The following NPAS3 variants were observed in gnomAD, a reference collection of about 807,000 sequenced individuals.
NPAS3 encodes the protein neuronal PAS domain protein 3, also known as neuronal PAS domain-containing protein 3.
In NPAS3, 14 loss-of-function variants were observed where a neutral mutation model predicts 73.1. The observed-to-expected ratio is 0.19, with a 90% CI of 0.13 to 0.30. The LOEUF (loss-of-function observed/expected upper bound fraction) is 0.30, where lower values mean the gene tolerates loss of function less well. NPAS3 is among the 10% of genes least tolerant of loss of function. The pLI is 1.00. For synonymous variants in NPAS3, 620 were observed against 541.5 expected, an observed-to-expected ratio of 1.14 and a Z score of -2.01; for missense variants, 1,096 against 1,250.0, an observed-to-expected ratio of 0.88 and a Z score of 1.86.
At chr14:33,294,205 G>C (rs1488468256) in intron 3 of NPAS3, among the ~76,000 whole-genome samples, 4 of 152,120 alleles carry the variant, frequency 2.6e-5, no homozygotes, top group Non-Finnish European at 5.9e-5. Flanking sequence ...GTCTTCCCTT[G>C]GACTGCCTCC....
At chr14:33,075,369 G>A (rs772085922) in intron 2 of NPAS3, among the ~76,000 whole-genome samples, 51 of 152,084 alleles carry the variant, frequency 3.4e-4, no homozygotes, top group Non-Finnish European at 6.0e-4. Context: ...ATTTAAAAAC[G>A]TTTCAGTTAT....
At chr14:33,369,535 G>A (rs1566839622) in intron 4 of NPAS3, among the ~76,000 whole-genome samples, 1 of 151,898 alleles carries the variant, frequency 6.6e-6, no homozygotes, top group African/African-American at 2.4e-5. Context: ...AAATAGGGCT[G>A]GTCACACTTG....
At chr14:33,687,796 G>A (rs2060130404) in intron 6 of NPAS3, among the ~76,000 whole-genome samples, 1 of 152,016 alleles carries the variant, frequency 6.6e-6, no homozygotes, top group Admixed American at 6.6e-5. Flanking sequence ...CATGCGCCAG[G>A]CTTTGTCCTA....
chr14:33,256,339 G>A (rs553691900), intron 3 of NPAS3, among the ~76,000 whole-genome samples: 2 of 152,212 alleles, frequency 1.3e-5, no homozygotes, highest in South Asian at 4.1e-4. Context: ...TTTCTTTTGA[G>A]GGAGAGCATA....
At chr14:33,758,121 G>T (rs2140809723) in intron 7 of NPAS3, among the ~76,000 whole-genome samples, 1 of 152,234 alleles carries the variant, frequency 6.6e-6, no homozygotes, top group African/African-American at 2.4e-5. Flanking sequence ...TGTACATGAA[G>T]TCACAACTCC....
At chr14:33,405,799 G>A (rs1430679766) in intron 4 of NPAS3, among the ~76,000 whole-genome samples, 1 of 152,102 alleles carries the variant, frequency 6.6e-6, no homozygotes. Flanking sequence ...ACTCAGTTTA[G>A]CAACCTTCTG....
rs147760131 is a variant in NPAS3, at chr14:33,595,256, A to G, written c.558+35046A>G. Among the ~76,000 whole-genome samples the G allele has an allele frequency of 2.0e-3, 310 of 151,946 alleles. 1 individual carries two copies. Among genetic ancestry groups the G allele is most frequent in the Non-Finnish European group, 2.8e-3 (187 of 67,940 alleles). On this transcript the variant is annotated intron_variant, in intron 5 of 11. Transcript: ENST00000356141. ...CCTCATTTGCTGTAAAATCTATTTTATTGTGGTACTTAATTAATGATCACT... is the reference window on the plus strand; with the variant it reads ...CCTCATTTGCTGTAAAATCTATTTTGTTGTGGTACTTAATTAATGATCACT...
chr14:33,480,312 A>G (rs1207081590), intron 4 of NPAS3, among the ~76,000 whole-genome samples: 1 of 152,202 alleles, frequency 6.6e-6, no homozygotes, highest in Non-Finnish European at 1.5e-5. Context: ...TAGATATACA[A>G]CTATAACTAC....
intron 2 of NPAS3, among the ~76,000 whole-genome samples, chr14:33,187,447 T>C (rs544483731): frequency 2.2e-4 from 33 of 152,268 alleles, no homozygotes; most frequent in African/African-American, 7.7e-4. Context: ...TGAACCCTGC[T>C]CCAGAGTAAT....
chr14:33,532,181 T>G (rs964343884), intron 4 of NPAS3, among the ~76,000 whole-genome samples: 1 of 152,144 alleles, frequency 6.6e-6, no homozygotes, highest in African/African-American at 2.4e-5. Context: ...CTAAAAGGAC[T>G]AATAAAAAGG....
intron 5 of NPAS3, among the ~76,000 whole-genome samples, chr14:33,576,220 A>G (rs73270956): frequency 6.6e-6 from 1 of 152,140 alleles, no homozygotes; most frequent in East Asian, 1.9e-4. Flanking sequence ...CACAGTTTAT[A>G]GTACCATATG....
chr14:33,330,299 T>C (rs1300244342), intron 3 of NPAS3, among the ~76,000 whole-genome samples: 2 of 152,150 alleles, frequency 1.3e-5, no homozygotes, highest in African/African-American at 4.8e-5. Context: ...ATATGCTTAC[T>C]CTACCTCTTC....
At chr14:33,194,349 C>G (rs2046274071) in intron 2 of NPAS3, among the ~76,000 whole-genome samples, 1 of 152,014 alleles carries the variant, frequency 6.6e-6, no homozygotes, top group African/African-American at 2.4e-5. Flanking sequence ...TTTCATTTAC[C>G]CAAACTTAGA....
chr14:33,153,716 G>A lies in NPAS3; in HGVS notation c.141-61466G>A, dbSNP rs190751894. On this transcript the variant is annotated intron_variant, in intron 2 of 11. Transcript: ENST00000356141. ...TCATACAATCGTCTTTATTTTAGCC[G>A]TGTTATTTCCAACAGAACCATCCTT... 2.8e-4 allele frequency among the ~76,000 whole-genome samples: 42 copies of A among 152,152 alleles called. 1 individual carries two copies. Among genetic ancestry groups the A allele is most frequent in the Admixed American group, 7.2e-4 (11 of 15,282 alleles).
intron 4 of NPAS3, among the ~76,000 whole-genome samples, chr14:33,481,834 G>A (rs553992144): frequency 1.3e-5 from 2 of 152,100 alleles, no homozygotes; most frequent in African/African-American, 4.8e-5. Flanking sequence ...GTGAGGGGGA[G>A]GACAAGGCTG....
At chr14:33,741,230 T>C (rs2061648618) in intron 7 of NPAS3, among the ~76,000 whole-genome samples, 1 of 152,210 alleles carries the variant, frequency 6.6e-6, no homozygotes, top group Admixed American at 6.5e-5. Context: ...AGCCTTTTGC[T>C]TCAGCTTTGT....
chr14:33,299,301 T>C (rs2042429318), intron 3 of NPAS3, among the ~76,000 whole-genome samples: 1 of 152,132 alleles, frequency 6.6e-6, no homozygotes, highest in Admixed American at 6.5e-5. Flanking sequence ...TGCGATTCAG[T>C]TTTTCCAAGT....
rs1361050440 is a variant in NPAS3, at chr14:33,784,733, A to AT, written c.1153+6164dup. 1.2e-3 allele frequency among the ~76,000 whole-genome samples: 94 copies of AT among 78,216 alleles called. 1 individual carries two copies. The highest frequency in any genetic ancestry group is 2.0e-3 in the South Asian group (5 of 2,508). The allele number at this position is 78,216 out of a possible 152,430, so 51.3% of individuals were successfully genotyped here. On this transcript the variant is annotated intron_variant, in intron 9 of 11. Coordinates refer to ENST00000356141, the Ensembl canonical transcript of NPAS3. ...TTTTTATTGTTATTTTTATTTATTTATTTATTTATTTATTTTTTTTTTTTT... is the reference window on the plus strand; with the variant it reads ...TTTTTATTGTTATTTTTATTTATTTATTTTATTTATTTATTTTTTTTTTTTT...
At chr14:33,285,449 G>C (rs1255081033) in intron 3 of NPAS3, among the ~76,000 whole-genome samples, 2 of 152,178 alleles carry the variant, frequency 1.3e-5, no homozygotes, top group Non-Finnish European at 2.9e-5. Context: ...CATCTTGGCT[G>C]TATAAACTCA....
Sources: gnomAD v4.1 joint callset for allele counts (sites outside exome capture counted in the v4.1 genomes callset) on GRCh38, gnomAD v4.1.1 for gene constraint, MANE v1.5 for transcripts, NCBI Gene and HGNC (gene_info 2026-07-23, HGNC 2026-07-21) for gene names.